The following SYT1 variants were observed in gnomAD, a reference collection of about 807,000 sequenced individuals.
The protein encoded by SYT1 is synaptotagmin-1.
Under a neutral mutation model 44.8 loss-of-function variants are expected in SYT1, and 8 were observed. That is an observed-to-expected ratio of 0.18 (90% CI 0.10 to 0.32). SYT1 has a LOEUF of 0.32. SYT1 is among the 10% of genes least tolerant of loss of function. The pLI is 1.00. For synonymous variants in SYT1, 154 were observed against 188.8 expected (o/e 0.82, Z 1.51); for missense variants, 286 against 509.3 (o/e 0.56, Z 4.22).
chr12:79,231,035 A>G (rs923236671), intron 4 of SYT1, among the ~76,000 whole-genome samples: 4 of 152,228 alleles, frequency 2.6e-5, no homozygotes, highest in African/African-American at 7.2e-5. Flanking sequence ...AAATCTACAA[A>G]GATGACAGAA....
intron 9 of SYT1, among the ~76,000 whole-genome samples, chr12:79,382,723 G>A (rs937479297): frequency 1.3e-5 from 2 of 152,216 alleles, no homozygotes; most frequent in African/African-American, 4.8e-5. Flanking sequence ...TGGGAATTTG[G>A]AAGAAAGCTA....
rs758186429 is a variant in SYT1 at position 79,292,039 on chromosome 12, T to C, written c.383T>C (p.Leu128Ser). The change falls in exon 6 of 11, where the codon TTG (leucine) becomes TCG (serine). Residue 128 changes from leucine (L) to serine (S), a missense_variant. Around this residue, in one of 6 missense-constraint regions of SYT1, gnomAD observed 141 missense variants for 165.7 expected, o/e 0.85. Transcript: ENST00000261205. The stretch of plus-strand genomic sequence containing the variant: ...AAGGATGATGATGCTGAAACTGGAT[T>C]GACAGATGGAGAAGAAAAAGAAGAA... ...ALKDDDAETG[L>S]TDGEEKEEPK... 2 of 1,614,016 alleles carry C rather than the reference T, an allele frequency of 1.2e-6. No individual in the cohort carries two copies. The highest frequency in any genetic ancestry group is 1.7e-6 in the Non-Finnish European group (2 of 1,179,992).
At chr12:79,256,566 C>G (rs1320650870) in intron 4 of SYT1, among the ~76,000 whole-genome samples, 1 of 151,462 alleles carries the variant, frequency 6.6e-6, no homozygotes, top group Non-Finnish European at 1.5e-5. Context: ...TTATCAAGTC[C>G]AGTGATAGAA....
chr12:79,237,819 T>C (rs1240788078), intron 4 of SYT1, among the ~76,000 whole-genome samples: 1 of 152,206 alleles, frequency 6.6e-6, no homozygotes, highest in Admixed American at 6.5e-5. Flanking sequence ...AATTATAATT[T>C]TGCTAACCCT....
chr12:79,251,596 T>G (rs1877214578), intron 4 of SYT1, among the ~76,000 whole-genome samples: 1 of 152,208 alleles, frequency 6.6e-6, no homozygotes, highest in Non-Finnish European at 1.5e-5. Flanking sequence ...ATCGCCTGAA[T>G]GCATTGTCTG....
intron 1 of SYT1, among the ~76,000 whole-genome samples, chr12:78,872,040 A>G (rs1170259244): frequency 6.6e-6 from 1 of 151,968 alleles, no homozygotes; most frequent in Non-Finnish European, 1.5e-5. Flanking sequence ...AGTTAACAAT[A>G]TGACATTACA....
intron 3 of SYT1, among the ~76,000 whole-genome samples, chr12:79,210,547 T>C (rs1164247165): frequency 6.6e-6 from 1 of 152,228 alleles, no homozygotes; most frequent in Admixed American, 6.5e-5. Context: ...TAGTTTCTAA[T>C]CTCATCCAGG....
intron 2 of SYT1, among the ~76,000 whole-genome samples, chr12:79,021,132 A>G (rs200938016): frequency 3.3e-5 from 5 of 151,950 alleles, no homozygotes; most frequent in Non-Finnish European, 7.4e-5. Flanking sequence ...CCATTCAGCT[A>G]TAAAAACATC....
At chr12:79,188,846 T>C (rs1282993037) in intron 3 of SYT1, among the ~76,000 whole-genome samples, 1 of 152,130 alleles carries the variant, frequency 6.6e-6, no homozygotes, top group Non-Finnish European at 1.5e-5. Flanking sequence ...AGTAGTTGTC[T>C]AGGAGATGTA....
At chr12:78,912,902 T>A in intron 1 of SYT1, among the ~76,000 whole-genome samples, 1 of 151,882 alleles carries the variant, frequency 6.6e-6, no homozygotes. Context: ...AGTGAAAATG[T>A]CCATTGATTG....
At chr12:79,438,008 G>C (rs530708512) in intron 9 of SYT1, among the ~76,000 whole-genome samples, 9 of 152,252 alleles carry the variant, frequency 5.9e-5, no homozygotes, top group Admixed American at 5.9e-4. Flanking sequence ...TTCGCAGGAA[G>C]GGTACTGTGG....
chr12:78,925,701 AT>A lies in SYT1; in HGVS notation c.-216-52095del, dbSNP rs1011005738. Reference sequence around the variant, plus strand: ...TTAGATTTTGCATTACCTGGCACATATTTAGGTCTCAAAAAATCTAATATAG... The same window carrying A: ...TTAGATTTTGCATTACCTGGCACATATTAGGTCTCAAAAAATCTAATATAG... On this transcript the variant is annotated intron_variant, in intron 1 of 10. Transcript: ENST00000261205. Among the ~76,000 whole-genome samples the A allele has an allele frequency of 8.5e-5, 13 of 152,060 alleles. No individual in the cohort carries two copies. The East Asian group carries it at 2.5e-3, about 29-fold the overall frequency.
chr12:78,882,407 A>G (rs1874508315), intron 1 of SYT1, among the ~76,000 whole-genome samples: 1 of 151,782 alleles, frequency 6.6e-6, no homozygotes, highest in Admixed American at 6.6e-5. Context: ...CTATGAGTGT[A>G]TCTACTATCA....
chr12:78,957,191 G>A (rs548009574), intron 1 of SYT1, among the ~76,000 whole-genome samples: 2 of 152,168 alleles, frequency 1.3e-5, no homozygotes, highest in African/African-American at 4.8e-5. Flanking sequence ...ACCTAAAACC[G>A]GTCACAGTGG....
chr12:79,011,000 A>G lies in SYT1; in HGVS notation c.-84+33069A>G, dbSNP rs193296181. On this transcript the variant is annotated intron_variant, in intron 2 of 10. Transcript: ENST00000261205. Reference sequence around the variant, plus strand: ...GAATTGTACCTGCAGAGATGGTGAGAAATAGCCAGATTTAGGTCATTATGC... The same window carrying G: ...GAATTGTACCTGCAGAGATGGTGAGGAATAGCCAGATTTAGGTCATTATGC... Among the ~76,000 whole-genome samples the G allele has an allele frequency of 6.6e-5, 10 of 152,322 alleles. No individual in the cohort carries two copies. The East Asian group carries it at 1.9e-3, about 29-fold the overall frequency.
chr12:78,972,558 T>C (rs935693682), intron 1 of SYT1, among the ~76,000 whole-genome samples: 1 of 151,442 alleles, frequency 6.6e-6, no homozygotes, highest in Non-Finnish European at 1.5e-5. Flanking sequence ...TATATATTTA[T>C]GAGGCACATT....
intron 3 of SYT1, among the ~76,000 whole-genome samples, chr12:79,145,288 AT>A (rs1869806914): frequency 6.6e-6 from 1 of 152,046 alleles, no homozygotes. Context: ...GATTAAAAAC[AT>A]ATTTTTCTAA....
At chr12:79,183,051 A>G (rs1872627453) in intron 3 of SYT1, among the ~76,000 whole-genome samples, 1 of 152,080 alleles carries the variant, frequency 6.6e-6, no homozygotes, top group African/African-American at 2.4e-5. Flanking sequence ...TTCATCATAC[A>G]TTCATTGCCT....
intron 4 of SYT1, among the ~76,000 whole-genome samples, chr12:79,233,440 T>C (rs532180791): frequency 6.6e-6 from 1 of 152,356 alleles, no homozygotes; most frequent in African/African-American, 2.4e-5. Flanking sequence ...TAGCTGTTTA[T>C]ACGAAACTTG....
Sources: gnomAD v4.1 joint callset for allele counts (sites outside exome capture counted in the v4.1 genomes callset) on GRCh38, gnomAD v4.1.1 for gene constraint, gnomAD v4.1.1 regional missense constraint, MANE v1.5 for transcripts, NCBI Gene and HGNC (gene_info 2026-07-23, HGNC 2026-07-21) for gene names.